The following NF1 variants were observed in gnomAD, a reference collection of about 807,000 sequenced individuals.
The protein encoded by NF1 is neurofibromin.
A neutral mutation model predicts 325.7 loss-of-function variants in NF1; 122 were observed. That is an observed-to-expected ratio of 0.37 (90% CI 0.32 to 0.44). The LOEUF (loss-of-function observed/expected upper bound fraction) is 0.44. NF1 is among the 20% of genes least tolerant of loss of function. NF1 has a pLI of 1.00. For missense variants in NF1, 2,140 were observed against 3,415.4 expected, an observed-to-expected ratio of 0.63 and a Z score of 9.31; for synonymous variants, 1,091 against 1,186.0, an observed-to-expected ratio of 0.92 and a Z score of 1.65.
rs561921471 is a variant in NF1, at chr17:31,307,201, T to G, written c.4836-18619T>G. Among the ~76,000 whole-genome samples, 266 of 152,138 alleles carry G rather than the reference T, an allele frequency of 1.7e-3. 1 individual carries two copies. Among genetic ancestry groups the G allele is most frequent in the Non-Finnish European group, 1.6e-3 (107 of 67,990 alleles). The stretch of plus-strand genomic sequence containing the variant: ...CACGCCTGGCCTATTTTTGTATTTT[T>G]AGCACAGACGGGGTTTCACCGTGTT... On this transcript the variant is annotated intron_variant, in intron 36 of 57. Transcript: ENST00000358273.
intron 35 of NF1, among the ~76,000 whole-genome samples, chr17:31,264,281 G>C (rs2067746990): frequency 6.6e-6 from 1 of 151,676 alleles, no homozygotes; most frequent in African/African-American, 2.4e-5. Flanking sequence ...TGTGGTGGTG[G>C]GCACTTGTAA....
At chr17:31,106,056 A>G (rs151003817) in intron 1 of NF1, among the ~76,000 whole-genome samples, 1 of 152,174 alleles carries the variant, frequency 6.6e-6, no homozygotes, top group Admixed American at 6.6e-5. Flanking sequence ...TTCTGTTGAC[A>G]CGGTTTCTCT....
At chr17:31,186,416 C>T (rs1479292383) in intron 8 of NF1, among the ~76,000 whole-genome samples, 1 of 152,174 alleles carries the variant, frequency 6.6e-6, no homozygotes, top group Non-Finnish European at 1.5e-5. Flanking sequence ...GGGGAATCTT[C>T]CCAGTGGGCA....
intron 36 of NF1, among the ~76,000 whole-genome samples, chr17:31,306,929 C>T (rs1453711701): frequency 6.6e-6 from 1 of 151,846 alleles, no homozygotes; most frequent in Non-Finnish European, 1.5e-5. Context: ...ATGGGAGGAT[C>T]GTTTGAGGCC....
At chr17:31,129,243 T>C (rs1053270947) in intron 1 of NF1, among the ~76,000 whole-genome samples, 1 of 152,286 alleles carries the variant, frequency 6.6e-6, no homozygotes, top group African/African-American at 2.4e-5. Context: ...AGTTGCTGCC[T>C]TTCTCCCCAT....
At chr17:31,342,880 C>G (rs2069859939) in intron 47 of NF1, 129 bp from the exon 48 acceptor site, 1 of 1,197,896 alleles carries the variant, frequency 8.3e-7, no homozygotes, top group African/African-American at 1.5e-5. Flanking sequence ...CTGCAGTCAA[C>G]TGAAAATAAT....
chr17:31,373,026 A>G (rs2070674439), intron 57 of NF1, among the ~76,000 whole-genome samples: 1 of 152,192 alleles, frequency 6.6e-6, no homozygotes, highest in African/African-American at 2.4e-5. Flanking sequence ...TAAATAAATA[A>G]TCAATCATTG....
At chr17:31,304,135 G>T in intron 36 of NF1, 1 of 941,020 alleles carries the variant, frequency 1.1e-6, no homozygotes, top group Non-Finnish European at 1.6e-6. Flanking sequence ...TAGGCTCTGA[G>T]CAGATTTCAG....
intron 5 of NF1, among the ~76,000 whole-genome samples, chr17:31,178,181 C>A (rs1386691104): frequency 6.6e-6 from 1 of 152,156 alleles, no homozygotes; most frequent in Non-Finnish European, 1.5e-5. Flanking sequence ...AGGCAGAAAC[C>A]CTACAAGCCA....
At chr17:31,181,296 T>A in intron 5 of NF1, 126 bp from the exon 6 acceptor site, 1 of 888,400 alleles carries the variant, frequency 1.1e-6, no homozygotes, top group Non-Finnish European at 1.7e-6. Context: ...TAGGTGTCTT[T>A]ACCTTTCATT....
At chr17:31,260,721 T>C (rs922701064) in intron 34 of NF1, among the ~76,000 whole-genome samples, 2 of 152,164 alleles carry the variant, frequency 1.3e-5, no homozygotes, top group African/African-American at 4.8e-5. Context: ...TAGGTTCCAG[T>C]GGTCATTATT....
chr17:31,360,393 T>C, intron 56 of NF1, 94 bp from the exon 57 acceptor site: 1 of 1,060,260 alleles, frequency 9.4e-7, no homozygotes, highest in Non-Finnish European at 1.4e-6. Context: ...AGAAAAATAG[T>C]AAATTAAGTC....
rs77033542 is a variant in NF1 at position 31,141,294 on chromosome 17, G to A, written c.61-14689G>A. On this transcript the variant is annotated intron_variant, in intron 1 of 57. Transcript: ENST00000358273. ...TACCCAGCACAGTGCCTGACACATA[G>A]AAGGTGTTAATCTTGTTTTTTTTTT... is the stretch of plus-strand genomic sequence containing the variant. Among the ~76,000 whole-genome samples the A allele has an allele frequency of 3.5e-3, 527 of 151,474 alleles. 2 individuals are homozygous for A. The highest frequency in any genetic ancestry group is 0.012 in the African/African-American group (499 of 41,316).
intron 57 of NF1, among the ~76,000 whole-genome samples, chr17:31,371,240 C>T (rs2070631749): frequency 6.6e-6 from 1 of 152,120 alleles, no homozygotes; most frequent in South Asian, 2.1e-4. Context: ...CTTTACCCTT[C>T]TCAGTGCCTT....
rs148388009 is a variant in NF1 at position 31,259,791 on chromosome 17, T to G, written c.4431-578T>G. On this transcript the variant is annotated intron_variant, in intron 33 of 57. Coordinates refer to ENST00000358273, the MANE Select transcript of NF1 (RefSeq NM_001042492.3). The stretch of plus-strand genomic sequence containing the variant: ...TTTATGTCTGGAATTCTGCTTTTCA[T>G]GCAGTGTGAATCTAATTGATCCTCA... 7.6e-3 allele frequency among the ~76,000 whole-genome samples: 1,161 copies of G among 152,330 alleles called. 18 individuals carry two copies. The highest frequency in any genetic ancestry group is 0.027 in the African/African-American group (1,117 of 41,586).
chr17:31,303,543 C>CTT (rs937817448), intron 36 of NF1, among the ~76,000 whole-genome samples: 1 of 151,442 alleles, frequency 6.6e-6, no homozygotes, highest in Admixed American at 6.6e-5. Context: ...TCTTCTTTTC[C>CTT]TTTTTTTTGC....
chr17:31,203,524 A>G (rs1401986739), intron 11 of NF1, among the ~76,000 whole-genome samples: 3 of 152,136 alleles, frequency 2.0e-5, no homozygotes, highest in African/African-American at 7.2e-5. Flanking sequence ...TTGAATCTGA[A>G]GTACTCTTTT....
chr17:31,130,941 C>T (rs1200365911), intron 1 of NF1, among the ~76,000 whole-genome samples: 2 of 152,162 alleles, frequency 1.3e-5, no homozygotes, highest in Non-Finnish European at 2.9e-5. Context: ...AGCACTCTGC[C>T]TGTCAGCACC....
chr17:31,132,368 C>A (rs978211088), intron 1 of NF1, among the ~76,000 whole-genome samples: 37 of 151,950 alleles, frequency 2.4e-4, no homozygotes, highest in Non-Finnish European at 5.9e-5. Flanking sequence ...ATAGTGACAC[C>A]GTTTCTACTA....
Sources: allele counts gnomAD v4.1 joint callset (sites outside exome capture counted in the v4.1 genomes callset), GRCh38; gene constraint gnomAD v4.1.1; transcripts MANE v1.5; gene names NCBI Gene and HGNC (gene_info 2026-07-23, HGNC 2026-07-21).